LRRK1: variants seen among roughly 807,000 people sequenced by gnomAD.
The protein encoded by LRRK1 is leucine rich repeat kinase 1.
In LRRK1, 113 loss-of-function variants were observed where a neutral mutation model predicts 209.1. The ratio of observed to expected loss-of-function variants is 0.54; its 90% CI spans 0.46 to 0.63. The LOEUF (loss-of-function observed/expected upper bound fraction) is 0.63, where lower values mean the gene tolerates loss of function less well. Among genes scored for constraint, LRRK1 ranks in the 30% least tolerant of loss-of-function variants. LRRK1 has a pLI of 0.00. For missense variants in LRRK1, 2,284 were observed against 2,632.2 expected (o/e 0.87, Z 2.89); for synonymous variants, 1,144 against 1,099.7 (o/e 1.04, Z -0.80).
chr15:100,963,765 C>T (rs1567203507), intron 2 of LRRK1, among the ~76,000 whole-genome samples: 1 of 152,162 alleles, frequency 6.6e-6, no homozygotes. Context: ...AATGACCATC[C>T]GGTTGGCAAG....
chr15:100,975,012 G>A (rs973657143), intron 3 of LRRK1, among the ~76,000 whole-genome samples: 1 of 152,226 alleles, frequency 6.6e-6, no homozygotes, highest in Non-Finnish European at 1.5e-5. Flanking sequence ...TCTCAGAAGT[G>A]TAAGAGATTG....
rs1279473522 is a variant in LRRK1, at chr15:101,048,556, A to C, written c.3198A>C (p.Thr1066=). ...RNRKVTIYSF[T]GNQRNRCSTF... ...GGAAAGTCACCATTTACAGTTTTAC[A>C]GGAAACCAGAGAAATCGCTGTAGCA... is the stretch of plus-strand genomic sequence containing the variant. Residue 1066 remains threonine (T), a synonymous_variant, in exon 22 of 34, where the codon ACA becomes ACC. Transcript: ENST00000388948. 1.1e-5 allele frequency: 17 copies of C among 1,592,838 alleles called. No individual in the cohort carries two copies. Among genetic ancestry groups the C allele is most frequent in the Non-Finnish European group, 1.4e-5 (17 of 1,173,816 alleles).
At chr15:101,067,230 G>A (rs1248694342) in intron 33 of LRRK1, 2 of 456,050 alleles carry the variant, frequency 4.4e-6, no homozygotes, top group East Asian at 6.9e-5. Flanking sequence ...CTGTGGGTGG[G>A]GACCCCCAGG....
At position 101,068,658 on chromosome 15, in the gene LRRK1, C is replaced by T; in HGVS notation, c.5871-13C>T. On this transcript the variant is annotated splice_polypyrimidine_tract_variant and intron_variant, in intron 33 of 33. Coordinates refer to ENST00000388948, the MANE Select transcript of LRRK1 (RefSeq NM_024652.6). ...ACCCCTGTGAGTTTCCTCAGACCCC[C>T]TTCTCTCTGCAGGGTGCTGGTGGAT... 1.3e-6 allele frequency: 2 copies of T among 1,565,598 alleles called. No individual in the cohort carries two copies. Among genetic ancestry groups the T allele is most frequent in the Non-Finnish European group, 1.7e-6 (2 of 1,152,574 alleles).
intron 26 of LRRK1, 110 bp from the exon 27 acceptor site, chr15:101,054,836 C>A: frequency 2.0e-6 from 2 of 990,768 alleles, no homozygotes; most frequent in South Asian, 1.7e-5. Flanking sequence ...GAAAAAAAAT[C>A]ATAAAGTATC....
intron 6 of LRRK1, among the ~76,000 whole-genome samples, chr15:101,001,534 C>T (rs756846227): frequency 1.3e-4 from 20 of 152,206 alleles, no homozygotes; most frequent in African/African-American, 4.6e-4. Flanking sequence ...GTTACTTCTG[C>T]GTATCAGAAT....
chr15:101,022,483 G>A lies in LRRK1; in HGVS notation c.1953G>A (p.Lys651=). 6.2e-7 allele frequency: 1 copy of A among 1,614,246 alleles called. No homozygotes were observed. The highest frequency in any genetic ancestry group is 1.1e-5 in the South Asian group (1 of 91,086). Residue 651 remains lysine (K), a synonymous_variant, in exon 15 of 34, where the codon AAG becomes AAA. Coordinates refer to ENST00000388948, the MANE Select transcript of LRRK1 (RefSeq NM_024652.6). The surrounding 1 kb of genome is among the most constrained non-coding windows in gnomAD (Gnocchi z 4.0). ...TCGTGGGTCCCCCGCGCCAGGGCAAGTCCACCCTCCTGGAGATCTTACAGA... is the reference window on the plus strand; with the variant it reads ...TCGTGGGTCCCCCGCGCCAGGGCAAATCCACCCTCCTGGAGATCTTACAGA... ...MIIVGPPRQG[K]STLLEILQTG...
chr15:101,021,023 A>C, intron 12 of LRRK1, 30 bp from the exon 13 acceptor site: 1 of 1,612,508 alleles, frequency 6.2e-7, no homozygotes, highest in Non-Finnish European at 8.5e-7. Context: ...ATTATTTTTA[A>C]ATGCAGTCTG....
At chr15:100,921,106 T>G (rs1290752002) in intron 1 of LRRK1, among the ~76,000 whole-genome samples, 1 of 152,220 alleles carries the variant, frequency 6.6e-6, no homozygotes. Flanking sequence ...TAATTTCTCC[T>G]TAATTATCTT....
chr15:100,925,281 C>T (rs1004718851), intron 2 of LRRK1, among the ~76,000 whole-genome samples: 1 of 152,162 alleles, frequency 6.6e-6, no homozygotes, highest in African/African-American at 2.4e-5. Context: ...ACCTGGCTCC[C>T]GCAATCAAGT....
Position 100,973,928 on chromosome 15 carries a change from G to T in LRRK1, c.222G>T (p.Leu74=). The T allele has an allele frequency of 7.9e-7, 1 of 1,263,308 alleles. No homozygotes were observed. 78.3% of individuals were successfully genotyped at this position (1,263,308 alleles called of 1,614,324 possible). A position where few individuals can be genotyped will look rare whatever the true frequency, so the allele number is the denominator to read the frequency against. ...ACCGCGGCGGCGCCCGGGACCTGCT[G>T]GAGGAGGCCTGCGACCAGTGCGCGT... ...RGDRGGARDL[L]EEACDQCASQ... The change falls in exon 3 of 34, where the codon CTG becomes CTT. Residue 74 remains leucine, a synonymous_variant. Transcript: ENST00000388948.
intron 20 of LRRK1, among the ~76,000 whole-genome samples, chr15:101,042,687 G>GA (rs555227547): frequency 6.6e-6 from 1 of 152,226 alleles, no homozygotes; most frequent in Non-Finnish European, 1.5e-5. Context: ...GAAGGCAGGG[G>GA]AGAGGGAGTG....
intron 10 of LRRK1, among the ~76,000 whole-genome samples, chr15:101,012,888 G>A (rs546005891): frequency 1.6e-4 from 25 of 151,688 alleles, no homozygotes; most frequent in East Asian, 5.9e-4. Flanking sequence ...AAGGAGCCAC[G>A]CGGGGTGCCC....
intron 7 of LRRK1, among the ~76,000 whole-genome samples, chr15:101,010,159 T>C (rs1248662205): frequency 2.0e-5 from 3 of 152,218 alleles, no homozygotes; most frequent in African/African-American, 7.2e-5. Context: ...TCTCAGCAGC[T>C]TTCAGGGAAC....
chr15:100,962,495 A>C (rs9745016), intron 2 of LRRK1, among the ~76,000 whole-genome samples: 105,794 of 151,612 alleles, frequency 0.7, 37,309 homozygotes, highest in Middle Eastern at 0.76. Context: ...ACAGCACTGC[A>C]CTCCAGCCTG....
rs200472371 is a variant in LRRK1 at position 101,012,157 on chromosome 15, A to G, written c.1419+12A>G. 3,310 of 1,583,614 alleles carry G rather than the reference A, an allele frequency of 2.1e-3. 87 individuals carry two copies. The South Asian group carries it at 0.037, about 17-fold the overall frequency. On this transcript the variant is annotated intron_variant, in intron 10 of 33. Transcript: ENST00000388948. ...TTTTCCAGCTTGATGTAAGCCTAAT[A>G]GCCCTTTCTTTCTCATTTTCGGCTT...
chr15:100,952,834 A>G (rs913626402), intron 2 of LRRK1, among the ~76,000 whole-genome samples: 13 of 151,078 alleles, frequency 8.6e-5, no homozygotes, highest in Non-Finnish European at 1.6e-4. Context: ...CATAAAGCTT[A>G]CATCTTACTT....
intron 2 of LRRK1, among the ~76,000 whole-genome samples, chr15:100,972,353 AGAGAGAGAGAGTGT>A (rs1336882389): frequency 7.5e-5 from 10 of 133,854 alleles, no homozygotes; most frequent in South Asian, 2.5e-4. Context: ...AGAGAGAGAG[AGAGAGAGAGAGTGT>A]GTGTGTGTGT....
chr15:101,026,950 C>T (rs1302335078), intron 17 of LRRK1, among the ~76,000 whole-genome samples: 1 of 151,850 alleles, frequency 6.6e-6, no homozygotes, highest in Non-Finnish European at 1.5e-5. Flanking sequence ...GGTCAGAACC[C>T]AAGTCCAGCC....
Sources: allele counts gnomAD v4.1 joint callset (sites outside exome capture counted in the v4.1 genomes callset), GRCh38; gene constraint gnomAD v4.1.1; non-coding constraint Gnocchi (gnomAD v3.1); transcripts MANE v1.5; gene names NCBI Gene and HGNC (gene_info 2026-07-23, HGNC 2026-07-21).